Variants in CSMD3 observed in about 807,000 individuals in gnomAD.
CSMD3 encodes CUB and Sushi multiple domains 3.
Under a neutral mutation model 435.2 loss-of-function variants are expected in CSMD3, and 177 were observed. The ratio of observed to expected loss-of-function variants is 0.41; its 90% CI spans 0.36 to 0.46. The LOEUF (loss-of-function observed/expected upper bound fraction) is 0.46. Among genes scored for constraint, CSMD3 ranks in the 20% least tolerant of loss-of-function variants. The pLI is 0.34. For missense variants in CSMD3, 4,265 were observed against 4,504.6 expected, an observed-to-expected ratio of 0.95 and a Z score of 1.52; for synonymous variants, 1,656 against 1,520.5, an observed-to-expected ratio of 1.09 and a Z score of -2.07.
chr8:113,221,167 T>A (rs1438888277), intron 3 of CSMD3, among the ~76,000 whole-genome samples: 1 of 151,272 alleles, frequency 6.6e-6, no homozygotes, highest in African/African-American at 2.4e-5. Context: ...TGTGTCAATT[T>A]GCAAAATTGA....
intron 59 of CSMD3, among the ~76,000 whole-genome samples, chr8:112,274,348 G>T (rs535246708): frequency 1.3e-5 from 2 of 152,300 alleles, no homozygotes; most frequent in Admixed American, 1.3e-4. Flanking sequence ...CATTAAGAGA[G>T]TTTCAAGTCT....
intron 6 of CSMD3, among the ~76,000 whole-genome samples, chr8:112,982,964 G>A (rs925478221): frequency 1.3e-5 from 2 of 151,820 alleles, no homozygotes; most frequent in African/African-American, 2.4e-5. Context: ...TAGAATAGAG[G>A]TATGAAAAAG....
chr8:112,933,291 C>A (rs1023990771), intron 9 of CSMD3, among the ~76,000 whole-genome samples: 16 of 152,154 alleles, frequency 1.1e-4, no homozygotes, highest in African/African-American at 3.9e-4. Flanking sequence ...GAAAATTAAG[C>A]CCCAAGCGTT....
chr8:113,110,196 T>C (rs1044700652), intron 4 of CSMD3, among the ~76,000 whole-genome samples: 2 of 152,182 alleles, frequency 1.3e-5, no homozygotes, highest in African/African-American at 4.8e-5. Context: ...ACCCTTCCTG[T>C]TCTCTCCTGT....
intron 13 of CSMD3, among the ~76,000 whole-genome samples, chr8:112,712,527 T>C (rs1223458724): frequency 6.6e-6 from 1 of 152,118 alleles, no homozygotes; most frequent in Admixed American, 6.6e-5. Context: ...GGAAGTTCTC[T>C]GATTTTACTG....
At chr8:112,446,123 A>C (rs1403456685) in intron 32 of CSMD3, among the ~76,000 whole-genome samples, 1 of 152,200 alleles carries the variant, frequency 6.6e-6, no homozygotes, top group Non-Finnish European at 1.5e-5. Context: ...CACATAGCTA[A>C]GAAGCATTGG....
intron 18 of CSMD3, among the ~76,000 whole-genome samples, chr8:112,652,758 A>G (rs1376404506): frequency 6.6e-6 from 1 of 152,196 alleles, no homozygotes; most frequent in East Asian, 1.9e-4. Flanking sequence ...TATCAGTATT[A>G]TTTATTAACT....
At chr8:112,875,267 G>A (rs1036721513) in intron 10 of CSMD3, among the ~76,000 whole-genome samples, 2 of 152,242 alleles carry the variant, frequency 1.3e-5, no homozygotes, top group South Asian at 2.1e-4. Flanking sequence ...CTGGCTTGTA[G>A]GGTTTCTGCA....
At position 112,372,508 on chromosome 8, in the gene CSMD3, A is replaced by G. The variant is rs551212423; in HGVS notation, c.6136+7844T>C. Among the ~76,000 whole-genome samples, 4 of 152,298 alleles carry G rather than the reference A, an allele frequency of 2.6e-5. No individual in the cohort carries two copies. The South Asian group carries it at 8.3e-4, about 32-fold the overall frequency. On this transcript the variant is annotated intron_variant, in intron 38 of 70. Transcript: ENST00000297405. ...AAAGATCAGGCATTCTAAAGTTAAA[A>G]TGCCATTATCTCAGGTTCAACAAAG...
chr8:112,895,031 T>C (rs2081911576), intron 10 of CSMD3, among the ~76,000 whole-genome samples: 1 of 151,362 alleles, frequency 6.6e-6, no homozygotes, highest in Admixed American at 6.6e-5. Flanking sequence ...TAAGGCTAAG[T>C]AATGTCTACA....
chr8:112,954,913 A>T (rs1463179516), intron 7 of CSMD3, 152 bp from the exon 8 acceptor site: 3 of 614,248 alleles, frequency 4.9e-6, no homozygotes, highest in Non-Finnish European at 8.6e-6. Context: ...TTTTTAAAGC[A>T]ATATAATCAC....
At chr8:112,976,298 A>G in intron 6 of CSMD3, 150 bp from the exon 7 acceptor site, 1 of 877,842 alleles carries the variant, frequency 1.1e-6, no homozygotes, top group Non-Finnish European at 1.8e-6. Context: ...TAAATTGTGA[A>G]GCGCACTAGA....
intron 2 of CSMD3, chr8:113,311,937 A>G (rs1030163502): frequency 2.0e-5 from 3 of 152,140 alleles, no homozygotes; most frequent in Admixed American, 6.6e-5. Flanking sequence ...TATAGTCTAT[A>G]AAATAAATAG....
chr8:113,204,011 C>T (rs1218746472), intron 3 of CSMD3, among the ~76,000 whole-genome samples: 1 of 152,088 alleles, frequency 6.6e-6, no homozygotes, highest in African/African-American at 2.4e-5. Context: ...TATTTCCCCC[C>T]TATACTCACA....
chr8:112,373,353 T>C (rs911937617), intron 38 of CSMD3, among the ~76,000 whole-genome samples: 6 of 152,060 alleles, frequency 3.9e-5, no homozygotes, highest in African/African-American at 1.4e-4. Flanking sequence ...ACAAATGAAA[T>C]ACCCAAAAAT....
intron 5 of CSMD3, among the ~76,000 whole-genome samples, chr8:113,048,411 G>A (rs979780957): frequency 6.6e-6 from 1 of 151,940 alleles, no homozygotes; most frequent in Non-Finnish European, 1.5e-5. Flanking sequence ...ATTCTTACTC[G>A]GAAAAATCAG....
intron 5 of CSMD3, among the ~76,000 whole-genome samples, chr8:113,053,572 T>C (rs2088188632): frequency 1.3e-5 from 2 of 152,068 alleles, no homozygotes; most frequent in South Asian, 2.1e-4. Context: ...TAATTTTATG[T>C]ATATTTAATA....
chr8:112,227,336 C>T (rs1812666069), intron 70 of CSMD3, among the ~76,000 whole-genome samples: 1 of 152,130 alleles, frequency 6.6e-6, no homozygotes, highest in African/African-American at 2.4e-5. Flanking sequence ...TTGTATGATT[C>T]CATTTACGTA....
intron 2 of CSMD3, among the ~76,000 whole-genome samples, chr8:113,298,105 TA>T (rs1272096007): frequency 5.3e-5 from 8 of 152,144 alleles, no homozygotes; most frequent in Non-Finnish European, 1.0e-4. Flanking sequence ...TTAGAAGGTA[TA>T]AAAATAAGGT....
Sources: gnomAD v4.1 joint callset for allele counts (sites outside exome capture counted in the v4.1 genomes callset) on GRCh38, gnomAD v4.1.1 for gene constraint, MANE v1.5 for transcripts, NCBI Gene and HGNC (gene_info 2026-07-23, HGNC 2026-07-21) for gene names.